POC1B: variants seen among roughly 807,000 people sequenced by gnomAD.
POC1B encodes POC1 centriolar protein homolog B.
A neutral mutation model predicts 60.6 loss-of-function variants in POC1B; 44 were observed. The observed-to-expected ratio is 0.73, with a 90% confidence interval of 0.57 to 0.93. POC1B has a LOEUF of 0.93. Among genes scored for constraint, POC1B ranks in the 40% least tolerant of loss-of-function variants. POC1B has a pLI of 0.00. For synonymous variants in POC1B, 180 were observed against 198.9 expected, an observed-to-expected ratio of 0.90 and a Z score of 0.80; for missense variants, 555 against 572.3, an observed-to-expected ratio of 0.97 and a Z score of 0.31.
chr12:89,430,369 A>T (rs1880979907), intron 10 of POC1B, among the ~76,000 whole-genome samples: 1 of 152,212 alleles, frequency 6.6e-6, no homozygotes, highest in Non-Finnish European at 1.5e-5. Context: ...TTGAGGATGA[A>T]TTATTTTAAT....
intron 4 of POC1B, among the ~76,000 whole-genome samples, chr12:89,484,005 A>C (rs1419448135): frequency 6.6e-6 from 1 of 152,226 alleles, no homozygotes; most frequent in Admixed American, 6.5e-5. Flanking sequence ...ATGGTCAAGA[A>C]GTAAATGGAG....
the POC1B span, among the ~76,000 whole-genome samples, chr12:89,403,744 A>G: frequency 1.3e-3 from 195 of 152,320 alleles, 2 homozygotes; most frequent in African/African-American, 4.3e-3. Flanking sequence ...GCTACACTCT[A>G]TCTCTAAAGG....
intron 2 of POC1B, among the ~76,000 whole-genome samples, chr12:89,508,760 G>A (rs1870029300): frequency 6.6e-6 from 1 of 152,188 alleles, no homozygotes; most frequent in South Asian, 2.1e-4. Context: ...GATAGTGAGT[G>A]ATTTCTCACA....
intron 3 of POC1B, among the ~76,000 whole-genome samples, chr12:89,495,809 T>G (rs1869218506): frequency 6.6e-6 from 1 of 152,130 alleles, no homozygotes; most frequent in African/African-American, 2.4e-5. Flanking sequence ...CCACCCAGGA[T>G]GGAGTACAAT....
intron 9 of POC1B, chr12:89,461,967 G>C (rs938547434): frequency 3.9e-5 from 6 of 152,026 alleles, no homozygotes; most frequent in African/African-American, 9.7e-5. Context: ...CTGCCACCTA[G>C]TGTAGACAGA....
chr12:89,501,948 T>C, intron 2 of POC1B: 1 of 1,003,428 alleles, frequency 1.0e-6, no homozygotes, highest in Non-Finnish European at 1.6e-6. Flanking sequence ...GTTTCCTGAG[T>C]GAGCCATTGG....
the POC1B span, among the ~76,000 whole-genome samples, chr12:89,405,543 C>T: frequency 1.3e-5 from 2 of 152,062 alleles, no homozygotes; most frequent in Admixed American, 1.3e-4. Context: ...CCAGATAATA[C>T]ATTTAAATTT....
At position 89,421,003 on chromosome 12, in the gene POC1B, CTTTTG is replaced by C. The variant is rs1185171998; in HGVS notation, c.*145_*149del. The C allele has an allele frequency of 7.4e-6, 4 of 540,452 alleles. No individual in the cohort carries two copies. The highest frequency in any genetic ancestry group is 1.3e-5 in the Non-Finnish European group (4 of 314,802). The allele number at this position is 540,452 out of a possible 1,614,324, so 33.5% of individuals were successfully genotyped here. A position where few individuals can be genotyped will look rare whatever the true frequency, so the allele number is the denominator to read the frequency against. On this transcript the variant is annotated 3_prime_UTR_variant, in exon 12 of 12. Transcript: ENST00000313546. The stretch of plus-strand genomic sequence containing the variant: ...TAGTCCTTAGGTATGCCTTTTCTGC[CTTTTG>C]TTCTGTTGCTCACCCTTTTAAGAAA...
chr12:89,503,121 G>T (rs926533554), intron 2 of POC1B, among the ~76,000 whole-genome samples: 1 of 118,600 alleles, frequency 8.4e-6, no homozygotes, highest in Non-Finnish European at 1.9e-5. Context: ...CTCTCCCCAC[G>T]GTCTCCCTCT....
the POC1B span, among the ~76,000 whole-genome samples, chr12:89,402,491 T>C: frequency 2.0e-5 from 3 of 152,150 alleles, no homozygotes; most frequent in East Asian, 5.8e-4. Flanking sequence ...CAGTACCCAA[T>C]AGTTATCTTT....
intron 10 of POC1B, among the ~76,000 whole-genome samples, chr12:89,450,240 C>T (rs1247478604): frequency 6.6e-6 from 1 of 151,162 alleles, no homozygotes; most frequent in Non-Finnish European, 1.5e-5. Flanking sequence ...TGGAGTCTTG[C>T]ACTGTCGCCT....
chr12:89,463,850 A>G (rs1882571510), intron 9 of POC1B, among the ~76,000 whole-genome samples: 1 of 152,202 alleles, frequency 6.6e-6, no homozygotes, highest in African/African-American at 2.4e-5. Context: ...GTCAGCTGGT[A>G]CCCAAGATCT....
At chr12:89,523,400 C>G in intron 2 of POC1B, 1 of 1,614,052 alleles carries the variant, frequency 6.2e-7, no homozygotes, top group Non-Finnish European at 8.5e-7. Flanking sequence ...ATCCAAACTT[C>G]TGCTGCCCGA....
At chr12:89,463,806 C>T (rs2120819277) in intron 9 of POC1B, among the ~76,000 whole-genome samples, 1 of 152,292 alleles carries the variant, frequency 6.6e-6, no homozygotes, top group East Asian at 1.9e-4. Context: ...ATCACCCCCT[C>T]TATCCATGTA....
intron 10 of POC1B, among the ~76,000 whole-genome samples, chr12:89,442,629 G>A (rs370353445): frequency 2.1e-4 from 32 of 152,116 alleles, no homozygotes; most frequent in Admixed American, 1.8e-3. Context: ...AGGAACAACC[G>A]GTACCAGCCA....
At chr12:89,417,818 T>C (rs997190961), downstream of POC1B, among the ~76,000 whole-genome samples, 2 of 152,190 alleles carry the variant, frequency 1.3e-5, no homozygotes, top group African/African-American at 4.8e-5. Flanking sequence ...GAGGACTCAC[T>C]CCTGCTCAGC....
At chr12:89,484,038 A>T (rs2135730775) in intron 4 of POC1B, among the ~76,000 whole-genome samples, 1 of 152,382 alleles carries the variant, frequency 6.6e-6, no homozygotes, top group South Asian at 2.1e-4. Context: ...AAGTTCTAAC[A>T]TTATACATAA....
chr12:89,441,484 G>A (rs548895205), intron 10 of POC1B, among the ~76,000 whole-genome samples: 1 of 152,272 alleles, frequency 6.6e-6, no homozygotes, highest in African/African-American at 2.4e-5. Flanking sequence ...AGCCTCTGCT[G>A]GTGATACCCA....
chr12:89,473,706 A>G (rs558612661), intron 4 of POC1B, among the ~76,000 whole-genome samples: 6 of 150,600 alleles, frequency 4.0e-5, no homozygotes, highest in African/African-American at 1.5e-4. Context: ...ATAACCTTTC[A>G]AGGAAAAATT....
Sources: gnomAD v4.1 joint callset for allele counts (sites outside exome capture counted in the v4.1 genomes callset) on GRCh38, gnomAD v4.1.1 for gene constraint, MANE v1.5 for transcripts, NCBI Gene and HGNC (gene_info 2026-07-23, HGNC 2026-07-21) for gene names.